DGKB: variants seen among roughly 807,000 people sequenced by gnomAD.
The protein encoded by DGKB is 90 kDa diacylglycerol kinase.
A neutral mutation model predicts 114.3 loss-of-function variants in DGKB; 67 were observed. The observed-to-expected ratio is 0.59, with a 90% CI of 0.48 to 0.72. The LOEUF is 0.72. DGKB is among the 30% of genes least tolerant of loss of function. The pLI is 0.00. For missense variants in DGKB, 907 were observed against 975.2 expected (o/e 0.93, Z 0.93); for synonymous variants, 398 against 323.1 (o/e 1.23, Z -2.49).
Position 14,718,415 on chromosome 7 carries a change from A to G in DGKB, c.466+127T>C, listed in dbSNP as rs1009324413. On this transcript the variant is annotated intron_variant, in intron 6 of 25. Coordinates refer to ENST00000402815, the MANE Select transcript of DGKB (RefSeq NM_001350709.2). The stretch of plus-strand genomic sequence containing the variant: ...TCCTCAGCAGGAGGAAATTTTTACT[A>G]TTAAGCAGGATCACTTTATTCAACA... The G allele has an allele frequency of 2.0e-5, 14 of 716,578 alleles. No homozygotes were observed. The African/African-American group carries it at 2.6e-4, about 13-fold the overall frequency. 44.4% of individuals were successfully genotyped at this position (716,578 alleles called of 1,614,324 possible).
intron 4 of DGKB, among the ~76,000 whole-genome samples, chr7:14,739,385 A>T (rs536232341): frequency 6.6e-6 from 1 of 152,308 alleles, no homozygotes; most frequent in African/African-American, 2.4e-5. Context: ...GCTACCAGAA[A>T]TTCATGCTCT....
At chr7:14,762,686 A>C (rs1453315028) in intron 2 of DGKB, among the ~76,000 whole-genome samples, 2 of 152,032 alleles carry the variant, frequency 1.3e-5, no homozygotes, top group Non-Finnish European at 2.9e-5. Context: ...TATTCCAAAA[A>C]ACTCAACACA....
intron 21 of DGKB, among the ~76,000 whole-genome samples, chr7:14,416,097 C>T (rs36198503): frequency 0.26 from 40,202 of 151,778 alleles, 5,821 homozygotes; most frequent in East Asian, 0.48. Context: ...TCATATACTT[C>T]GCCCACTTTT....
intron 23 of DGKB, among the ~76,000 whole-genome samples, chr7:14,212,344 A>ATTTACTCTCGTGTTTTGTGAT (rs1788167895): frequency 4.3e-5 from 1 of 23,326 alleles, no homozygotes; most frequent in Non-Finnish European, 6.5e-5. Flanking sequence ...GTTTTGTGAT[A>ATTTACTCTCGTGTTTTGTGAT]TTTACTCTCA....
intron 20 of DGKB, among the ~76,000 whole-genome samples, chr7:14,526,570 A>T (rs4721345): frequency 0.44 from 67,142 of 152,000 alleles, 15,512 homozygotes; most frequent in East Asian, 0.72. Flanking sequence ...GCTTTTCCAA[A>T]TAAAAACACC....
intron 5 of DGKB, among the ~76,000 whole-genome samples, chr7:14,723,029 T>A (rs201523788): frequency 8.0e-6 from 1 of 124,620 alleles, no homozygotes; most frequent in African/African-American, 4.0e-5. Context: ...TTATTCATTT[T>A]TTTTTCTTTT....
At position 14,480,922 on chromosome 7, in the gene DGKB, TA is replaced by T. The variant is rs750170988; in HGVS notation, c.1771-2698del. Among the ~76,000 whole-genome samples, 15 of 152,212 alleles carry T rather than the reference TA, an allele frequency of 9.9e-5. No individual in the cohort carries two copies. In the East Asian group the frequency reaches 1.9e-3, roughly 20 times the overall value. On this transcript the variant is annotated intron_variant, in intron 20 of 25. Coordinates refer to ENST00000402815, the MANE Select transcript of DGKB (RefSeq NM_001350709.2). ...TTTTCTTAAAGTTAAATGAGAATGC[TA>T]AATATGGTTAAATGACATATTTTTG...
At chr7:14,689,609 C>A (rs1199889561) in intron 9 of DGKB, among the ~76,000 whole-genome samples, 2 of 152,134 alleles carry the variant, frequency 1.3e-5, no homozygotes, top group African/African-American at 4.8e-5. Context: ...ACCTGTCATT[C>A]CTGAGGCTCA....
chr7:14,209,885 C>A (rs189696755), intron 23 of DGKB, among the ~76,000 whole-genome samples: 2 of 127,690 alleles, frequency 1.6e-5, no homozygotes, highest in Admixed American at 1.6e-4. Flanking sequence ...GGTTATTCAC[C>A]CTATGGCTGT....
intron 25 of DGKB, chr7:14,176,201 T>A (rs906097834): frequency 1.9e-5 from 5 of 260,318 alleles, no homozygotes; most frequent in African/African-American, 1.2e-4. Context: ...GAAATTACAC[T>A]GTTGGTCTTG....
chr7:14,788,218 A>G (rs1031191219), intron 2 of DGKB, among the ~76,000 whole-genome samples: 11 of 152,182 alleles, frequency 7.2e-5, no homozygotes, highest in African/African-American at 2.4e-4. Flanking sequence ...GCGTCTGGAG[A>G]AGGATCAGGA....
At chr7:14,536,234 T>G (rs1283854124) in intron 20 of DGKB, among the ~76,000 whole-genome samples, 5 of 152,062 alleles carry the variant, frequency 3.3e-5, no homozygotes, top group Non-Finnish European at 7.4e-5. Context: ...AAAAAAGAAT[T>G]AATACCAATC....
rs114012924 is a variant in DGKB, at chr7:14,918,449, T to A, written c.-188+56247A>T. On this transcript the variant is annotated intron_variant, in intron 1 of 4. Transcript: ENST00000437998. ...GTAATACATAAAATTAAATTGCCTT[T>A]CTATACACTGACAATGAACAACTGG... is the stretch of plus-strand genomic sequence containing the variant. 5.3e-3 allele frequency among the ~76,000 whole-genome samples: 809 copies of A among 152,306 alleles called. 7 individuals are homozygous for A. The highest frequency in any genetic ancestry group is 0.019 in the African/African-American group (775 of 41,584).
intron 23 of DGKB, among the ~76,000 whole-genome samples, chr7:14,180,913 C>A (rs1782546989): frequency 3.3e-5 from 5 of 152,130 alleles, no homozygotes; most frequent in Admixed American, 3.3e-4. Flanking sequence ...CCAGCTAGAT[C>A]AACCTATTTA....
chr7:14,301,888 CTACCAAAGTA>C (rs1803626112), intron 23 of DGKB, among the ~76,000 whole-genome samples: 1 of 152,056 alleles, frequency 6.6e-6, no homozygotes, highest in Non-Finnish European at 1.5e-5. Context: ...AGTCCAGGGT[CTACCAAAGTA>C]TGGGGCTTGG....
At chr7:14,793,911 C>T (rs1164987572) in intron 2 of DGKB, among the ~76,000 whole-genome samples, 1 of 152,072 alleles carries the variant, frequency 6.6e-6, no homozygotes, top group Non-Finnish European at 1.5e-5. Flanking sequence ...CTGAGTAAGA[C>T]AGAAGGTACA....
At chr7:14,741,015 C>T (rs1564072564) in intron 4 of DGKB, among the ~76,000 whole-genome samples, 2 of 152,148 alleles carry the variant, frequency 1.3e-5, no homozygotes, top group Non-Finnish European at 2.9e-5. Flanking sequence ...TCAGTCTGTG[C>T]ACCTTACAGA....
At chr7:14,932,632 A>T (rs1785080390) in intron 1 of DGKB, among the ~76,000 whole-genome samples, 1 of 152,206 alleles carries the variant, frequency 6.6e-6, no homozygotes, top group Non-Finnish European at 1.5e-5. Flanking sequence ...AAACATAGAC[A>T]TCATGCTAGG....
At chr7:14,407,371 A>C (rs1366338672) in intron 21 of DGKB, among the ~76,000 whole-genome samples, 3 of 152,082 alleles carry the variant, frequency 2.0e-5, no homozygotes, top group African/African-American at 7.2e-5. Context: ...CGTGCTTATC[A>C]GACTGTGGTT....
Sources: allele counts gnomAD v4.1 joint callset (sites outside exome capture counted in the v4.1 genomes callset), GRCh38; gene constraint gnomAD v4.1.1; transcripts MANE v1.5; gene names NCBI Gene and HGNC (gene_info 2026-07-23, HGNC 2026-07-21).